The following KCND3 variants were observed in gnomAD, a reference collection of about 807,000 sequenced individuals.
KCND3 encodes the protein potassium voltage-gated channel subfamily D member 3, also known as A-type voltage-gated potassium channel KCND3.
In KCND3, 9 loss-of-function variants were observed where a neutral mutation model predicts 51.1. The observed-to-expected ratio is 0.18, with a 90% CI of 0.11 to 0.31. The LOEUF (loss-of-function observed/expected upper bound fraction) is 0.31. Ranked by LOEUF, KCND3 falls within the 10% of genes least tolerant of loss-of-function variation. The probability of loss-of-function intolerance (pLI) is 1.00; values close to 1 mark genes in which losing one functional copy is unlikely to be tolerated. For synonymous variants in KCND3, 349 were observed against 368.0 expected, an observed-to-expected ratio of 0.95 and a Z score of 0.59; for missense variants, 526 against 903.8, an observed-to-expected ratio of 0.58 and a Z score of 5.36.
chr1:111,889,648 T>G (rs1669734729), intron 2 of KCND3, among the ~76,000 whole-genome samples: 2 of 151,962 alleles, frequency 1.3e-5, no homozygotes, highest in Admixed American at 6.5e-5. Flanking sequence ...GGGCTCCAAA[T>G]GTAAAGGTGA....
rs1380611440 is a variant in KCND3 at position 111,955,343 on chromosome 1, G to A, written c.1106+26278C>T. Among the ~76,000 whole-genome samples the A allele has an allele frequency of 3.3e-5, 5 of 152,224 alleles. 1 individual carries two copies. Among genetic ancestry groups the A allele is most frequent in the East Asian group, 3.8e-4 (2 of 5,206 alleles). Reference sequence around the variant, plus strand: ...GCGAGAGGACTGCTAGAGCCCAGGAGGTTGGGGCTGCAGTGAGCCATGACT... The same window carrying A: ...GCGAGAGGACTGCTAGAGCCCAGGAAGTTGGGGCTGCAGTGAGCCATGACT... On this transcript the variant is annotated intron_variant, in intron 2 of 7. Transcript: ENST00000302127.
At chr1:111,815,589 C>A (rs769621708) in intron 2 of KCND3, among the ~76,000 whole-genome samples, 25 of 150,708 alleles carry the variant, frequency 1.7e-4, no homozygotes, top group African/African-American at 6.1e-4. Flanking sequence ...TAGCCAGAAT[C>A]CCCCTTACCT....
At chr1:111,873,245 G>T (rs1668905560) in intron 2 of KCND3, among the ~76,000 whole-genome samples, 1 of 152,202 alleles carries the variant, frequency 6.6e-6, no homozygotes, top group South Asian at 2.1e-4. Context: ...TGTGTGGAGG[G>T]TGGTGGTACA....
At chr1:111,958,935 T>C (rs1330576703) in intron 2 of KCND3, among the ~76,000 whole-genome samples, 1 of 152,246 alleles carries the variant, frequency 6.6e-6, no homozygotes, top group Non-Finnish European at 1.5e-5. Context: ...TCTCCAGCTC[T>C]GCCATTATGC....
At chr1:111,838,561 G>T (rs1449141685) in intron 2 of KCND3, among the ~76,000 whole-genome samples, 1 of 152,092 alleles carries the variant, frequency 6.6e-6, no homozygotes, top group Non-Finnish European at 1.5e-5. Flanking sequence ...GGAGGCTGAG[G>T]CAGGAGAATG....
intron 2 of KCND3, among the ~76,000 whole-genome samples, chr1:111,917,855 G>A (rs1016909840): frequency 6.6e-6 from 1 of 152,068 alleles, no homozygotes; most frequent in Admixed American, 6.5e-5. Context: ...CTCAAAACAG[G>A]GTGCTTCCCT....
At chr1:111,819,447 C>T (rs1666251129) in intron 2 of KCND3, among the ~76,000 whole-genome samples, 1 of 151,994 alleles carries the variant, frequency 6.6e-6, no homozygotes, top group Non-Finnish European at 1.5e-5. Context: ...TTCCCCTCCT[C>T]ATTAAGCAAG....
At chr1:111,933,349 T>C (rs1166209615) in intron 2 of KCND3, among the ~76,000 whole-genome samples, 3 of 152,226 alleles carry the variant, frequency 2.0e-5, no homozygotes, top group East Asian at 3.8e-4. Flanking sequence ...GTGCGAGGCA[T>C]ATGAAGCACA....
intron 2 of KCND3, among the ~76,000 whole-genome samples, chr1:111,793,694 G>C (rs1571646647): frequency 6.6e-6 from 1 of 152,108 alleles, no homozygotes; most frequent in African/African-American, 2.4e-5. Context: ...GTCCCTCCTG[G>C]GGCCCACCTG....
chr1:111,839,897 A>T (rs137933756), intron 2 of KCND3, among the ~76,000 whole-genome samples: 33 of 152,368 alleles, frequency 2.2e-4, no homozygotes, highest in African/African-American at 7.7e-4. Context: ...TCTTTGTTTA[A>T]AAAATGGTTT....
intron 2 of KCND3, among the ~76,000 whole-genome samples, chr1:111,913,090 A>G (rs1468153156): frequency 6.6e-6 from 1 of 151,992 alleles, no homozygotes; most frequent in African/African-American, 2.4e-5. Flanking sequence ...TAAGTGCCCT[A>G]ATACTGGTAT....
intron 2 of KCND3, among the ~76,000 whole-genome samples, chr1:111,807,348 A>T (rs1464100880): frequency 6.6e-6 from 1 of 152,218 alleles, no homozygotes; most frequent in Non-Finnish European, 1.5e-5. Context: ...ACAAATACTT[A>T]CCATTGTGTT....
intron 2 of KCND3, among the ~76,000 whole-genome samples, chr1:111,859,428 G>T (rs2813870): frequency 0.15 from 23,287 of 152,190 alleles, 2,266 homozygotes; most frequent in East Asian, 0.4. Context: ...CCCTGCAAGT[G>T]TGGTACTTTA....
At chr1:111,880,028 T>C (rs1206398224) in intron 2 of KCND3, among the ~76,000 whole-genome samples, 1 of 152,170 alleles carries the variant, frequency 6.6e-6, no homozygotes, top group African/African-American at 2.4e-5. Flanking sequence ...GCTGTGAGGA[T>C]TGAATGAAAT....
At chr1:111,869,044 C>G (rs966898597) in intron 2 of KCND3, among the ~76,000 whole-genome samples, 1 of 152,150 alleles carries the variant, frequency 6.6e-6, no homozygotes, top group Non-Finnish European at 1.5e-5. Context: ...CAAGGCCTGT[C>G]CCCTTAAGCT....
intron 2 of KCND3, among the ~76,000 whole-genome samples, chr1:111,966,562 G>T (rs1674000804): frequency 6.6e-6 from 1 of 152,086 alleles, no homozygotes; most frequent in Non-Finnish European, 1.5e-5. Flanking sequence ...GTGGCTCACT[G>T]GGGAAGCCTC....
intron 2 of KCND3, among the ~76,000 whole-genome samples, chr1:111,797,631 G>C (rs1355604466): frequency 6.6e-6 from 1 of 152,182 alleles, no homozygotes; most frequent in Non-Finnish European, 1.5e-5. Flanking sequence ...TGAGCACAAA[G>C]GAGGGGCCTC....
At chr1:111,899,857 C>T (rs1416649154) in intron 2 of KCND3, among the ~76,000 whole-genome samples, 1 of 152,150 alleles carries the variant, frequency 6.6e-6, no homozygotes, top group African/African-American at 2.4e-5. Context: ...GAGTGTGATA[C>T]TCACAAGCAG....
chr1:111,938,843 A>T (rs970171476), intron 2 of KCND3, among the ~76,000 whole-genome samples: 2 of 152,212 alleles, frequency 1.3e-5, no homozygotes, highest in Non-Finnish European at 2.9e-5. Context: ...ACTCAAAGTG[A>T]AAGGAGGCAT....
Sources: gnomAD v4.1 joint callset for allele counts (sites outside exome capture counted in the v4.1 genomes callset) on GRCh38, gnomAD v4.1.1 for gene constraint, MANE v1.5 for transcripts, NCBI Gene and HGNC (gene_info 2026-07-23, HGNC 2026-07-21) for gene names.